MYO5B: variants seen among roughly 807,000 people sequenced by gnomAD.
The protein encoded by MYO5B is unconventional myosin-Vb.
Under a neutral mutation model 229.3 loss-of-function variants are expected in MYO5B, and 143 were observed. The observed-to-expected ratio is 0.62, with a 90% CI of 0.54 to 0.72. The LOEUF (loss-of-function observed/expected upper bound fraction) is 0.72. Among genes scored for constraint, MYO5B ranks in the 30% least tolerant of loss-of-function variants. The pLI, the probability that MYO5B is intolerant of heterozygous loss-of-function variation, is 0.00. For synonymous variants in MYO5B, 918 were observed against 885.2 expected, an observed-to-expected ratio of 1.04 and a Z score of -0.66; for missense variants, 2,321 against 2,331.0, an observed-to-expected ratio of 1.00 and a Z score of 0.09.
At chr18:49,855,693 A>G (rs1009339146) in intron 30 of MYO5B, among the ~76,000 whole-genome samples, 3 of 152,228 alleles carry the variant, frequency 2.0e-5, no homozygotes, top group African/African-American at 4.8e-5. Context: ...TTCACAAGGA[A>G]ACAGACCCAC....
Position 50,036,869 on chromosome 18 carries a change from C to T in MYO5B, c.436G>A (p.Ala146Thr), listed in dbSNP as rs750298539. ...DPHIFAVAEEAYKQMARDEKN... is the reference protein window; with the variant it reads ...DPHIFAVAEETYKQMARDEKN... ...TCTCACCTGGCCATCTGCTTGTAGG[C>T]TTCTTCTGCCACAGCAAAGATGTGG... Residue 146 changes from alanine (A) to threonine (T), a missense_variant, in exon 4 of 40, where the codon GCC becomes ACC. By Grantham distance (58) the Ala-to-Thr change is moderately conservative (BLOSUM62 0). Coordinates refer to ENST00000285039, the MANE Select transcript of MYO5B (RefSeq NM_001080467.3). 2 of 1,614,142 alleles carry T rather than the reference C, an allele frequency of 1.2e-6. No homozygotes were observed. The highest frequency in any genetic ancestry group is 1.7e-6 in the Non-Finnish European group (2 of 1,180,020).
intron 28 of MYO5B, 140 bp downstream of exon 28, chr18:49,864,001 C>T: frequency 4.5e-6 from 6 of 1,319,082 alleles, no homozygotes; most frequent in Admixed American, 2.1e-5. Flanking sequence ...TTTGCTCTGC[C>T]TTTTTGGAGG....
chr18:50,102,839 CAA>C (rs1195323837), intron 1 of MYO5B, among the ~76,000 whole-genome samples: 1 of 152,096 alleles, frequency 6.6e-6, no homozygotes, highest in Non-Finnish European at 1.5e-5. Flanking sequence ...CAAAGTTTCT[CAA>C]AGTCTTTTCC....
chr18:49,964,343 A>T (rs527996586), intron 10 of MYO5B, among the ~76,000 whole-genome samples: 1 of 148,402 alleles, frequency 6.7e-6, no homozygotes, highest in Non-Finnish European at 1.5e-5. Flanking sequence ...TTAAGTGTAT[A>T]TTTTCATGCA....
chr18:49,974,309 C>G, intron 10 of MYO5B, 41 bp downstream of exon 10: 1 of 1,613,988 alleles, frequency 6.2e-7, no homozygotes, highest in Non-Finnish European at 8.5e-7. Context: ...CAGGAAGCCA[C>G]TCCCAGGTAG....
At chr18:49,993,050 T>C (rs2025950298) in intron 5 of MYO5B, among the ~76,000 whole-genome samples, 1 of 152,140 alleles carries the variant, frequency 6.6e-6, no homozygotes, top group Non-Finnish European at 1.5e-5. Flanking sequence ...TTCTGCAGCA[T>C]CAGGGTTACA....
intron 39 of MYO5B, among the ~76,000 whole-genome samples, chr18:49,834,908 G>A (rs1183772909): frequency 6.6e-6 from 1 of 152,172 alleles, no homozygotes; most frequent in Non-Finnish European, 1.5e-5. Flanking sequence ...AAAGTGCTGG[G>A]ATTACAGGAG....
intron 22 of MYO5B, among the ~76,000 whole-genome samples, chr18:49,882,199 G>A (rs188159444): frequency 1.0e-3 from 157 of 152,210 alleles, no homozygotes; most frequent in Non-Finnish European, 1.9e-3. Context: ...CTTCCCCCAC[G>A]GCTGGCTGAT....
At chr18:49,898,753 A>T (rs1196099581) in intron 21 of MYO5B, among the ~76,000 whole-genome samples, 3 of 152,180 alleles carry the variant, frequency 2.0e-5, no homozygotes, top group African/African-American at 7.2e-5. Context: ...GTTTGCATAG[A>T]AACTTGGTGC....
intron 10 of MYO5B, among the ~76,000 whole-genome samples, chr18:49,970,540 G>C (rs2025679761): frequency 6.6e-6 from 1 of 152,234 alleles, no homozygotes; most frequent in South Asian, 2.1e-4. Context: ...AGAAATGTGT[G>C]TATACGATGC....
At chr18:49,995,511 G>A (rs920240257) in intron 5 of MYO5B, among the ~76,000 whole-genome samples, 6 of 151,594 alleles carry the variant, frequency 4.0e-5, no homozygotes, top group South Asian at 2.1e-4. Context: ...CACCCATCTC[G>A]GGCTCCCAAA....
chr18:49,987,373 C>T (rs2025881778), intron 7 of MYO5B, among the ~76,000 whole-genome samples: 1 of 152,180 alleles, frequency 6.6e-6, no homozygotes, highest in Non-Finnish European at 1.5e-5. Flanking sequence ...CCAAATAGGA[C>T]TCAGTCTTCC....
At chr18:49,872,260 T>C in intron 26 of MYO5B, 28 bp from the exon 27 acceptor site, 1 of 1,611,104 alleles carries the variant, frequency 6.2e-7, no homozygotes, top group African/African-American at 1.3e-5. Flanking sequence ...CAAAGATAAG[T>C]GCAGACCTCG....
intron 8 of MYO5B, 66 bp from the exon 9 acceptor site, chr18:49,980,619 C>A: frequency 8.5e-7 from 1 of 1,183,294 alleles, no homozygotes; most frequent in Non-Finnish European, 1.3e-6. Flanking sequence ...CATTTTACCC[C>A]TTTTAAGGAC....
At chr18:49,851,274 T>C (rs556200497) in intron 31 of MYO5B, among the ~76,000 whole-genome samples, 5 of 152,248 alleles carry the variant, frequency 3.3e-5, no homozygotes, top group African/African-American at 9.6e-5. Context: ...GCAGAGGTGA[T>C]TGTAAGATCC....
intron 29 of MYO5B, among the ~76,000 whole-genome samples, chr18:49,860,759 T>C (rs1267767307): frequency 6.6e-6 from 1 of 152,214 alleles, no homozygotes; most frequent in Non-Finnish European, 1.5e-5. Flanking sequence ...ATAGATGTCA[T>C]CAAAATTCTA....
At chr18:50,153,783 C>T (rs2032637131) in intron 1 of MYO5B, among the ~76,000 whole-genome samples, 1 of 152,078 alleles carries the variant, frequency 6.6e-6, no homozygotes, top group Non-Finnish European at 1.5e-5. Flanking sequence ...TCAACTCTAC[C>T]CTTGAGTGGG....
At chr18:49,947,479 T>G (rs1205593871) in intron 14 of MYO5B, among the ~76,000 whole-genome samples, 2 of 152,190 alleles carry the variant, frequency 1.3e-5, no homozygotes, top group African/African-American at 2.4e-5. Flanking sequence ...AGTTTTTAAA[T>G]TTTTATTTTT....
chr18:49,916,816 G>A (rs190419049), intron 17 of MYO5B, among the ~76,000 whole-genome samples: 214 of 152,264 alleles, frequency 1.4e-3, no homozygotes, highest in African/African-American at 5.0e-3. Flanking sequence ...TTCTCCTTTC[G>A]GTGGATTTCT....
Sources: gnomAD v4.1 joint callset for allele counts (sites outside exome capture counted in the v4.1 genomes callset) on GRCh38, gnomAD v4.1.1 for gene constraint, MANE v1.5 for transcripts, NCBI Gene and HGNC (gene_info 2026-07-23, HGNC 2026-07-21) for gene names.